Variants in MAP2K3 observed in about 807,000 individuals in gnomAD.
The protein encoded by MAP2K3 is dual specificity mitogen-activated protein kinase kinase 3.
A neutral mutation model predicts 46.4 loss-of-function variants in MAP2K3; 30 were observed. The observed-to-expected ratio is 0.65, with a 90% CI of 0.48 to 0.88. The LOEUF (loss-of-function observed/expected upper bound fraction) is 0.88, where lower values mean the gene tolerates loss of function less well. MAP2K3 is among the 40% of genes least tolerant of loss of function. The probability of loss-of-function intolerance (pLI) is 0.00; values close to 1 mark genes in which losing one functional copy is unlikely to be tolerated. For missense variants in MAP2K3, 380 were observed against 464.5 expected (o/e 0.82, Z 1.67); for synonymous variants, 189 against 176.3 (o/e 1.07, Z -0.57).
chr17:21,302,568 C>T (rs1976667650), intron 6 of MAP2K3, among the ~76,000 whole-genome samples: 1 of 152,312 alleles, frequency 6.6e-6, no homozygotes, highest in East Asian at 1.9e-4. Context: ...TTAGTATTTA[C>T]AACAGCGTCA....
Position 21,303,196 on chromosome 17 carries a change from T to C in MAP2K3, c.530T>C (p.Leu177Pro). Residue 177 changes from leucine to proline, a missense_variant, in exon 7 of 12, where the codon CTG (leucine) becomes CCG (proline). By Grantham distance (98) the Leu-to-Pro change is moderately conservative. This residue lies in a region of MAP2K3 where 294 missense variants were observed against 275.4 expected (regional missense o/e 1.07). Coordinates refer to ENST00000342679, the MANE Select transcript of MAP2K3 (RefSeq NM_145109.3). ...CCCCACCGCCAGATCGTGCGGGCCC[T>C]GGAGCATCTGCACAGCAAGCTGTCG... ...GEIAVSIVRALEHLHSKLSVI... is the reference protein window; with the variant it reads ...GEIAVSIVRAPEHLHSKLSVI... The C allele has an allele frequency of 6.2e-7, 1 of 1,613,924 alleles. No individual in the cohort carries two copies. The highest frequency in any genetic ancestry group is 8.5e-7 in the Non-Finnish European group (1 of 1,179,812).
At chr17:21,307,845 CTTTTT>C (rs35690616) in intron 9 of MAP2K3, among the ~76,000 whole-genome samples, 431 of 104,502 alleles carry the variant, frequency 4.1e-3, no homozygotes, top group Admixed American at 1.0e-2. Context: ...GCCCGGCTAT[CTTTTT>C]TTTTTTTTTT....
intron 3 of MAP2K3, among the ~76,000 whole-genome samples, chr17:21,300,028 C>G (rs1976501547): frequency 6.6e-6 from 1 of 152,312 alleles, no homozygotes; most frequent in Non-Finnish European, 1.5e-5. Context: ...ACGATACTCC[C>G]TCCAGGCTGT....
At chr17:21,312,500 C>G (rs532705551) in intron 10 of MAP2K3, among the ~76,000 whole-genome samples, 50 of 152,238 alleles carry the variant, frequency 3.3e-4, no homozygotes, top group Non-Finnish European at 5.9e-4. Context: ...GTGGACAAAT[C>G]AGATAGACTG....
chr17:21,287,555 T>G (rs530439098), intron 1 of MAP2K3, among the ~76,000 whole-genome samples: 2 of 152,300 alleles, frequency 1.3e-5, no homozygotes, highest in South Asian at 4.1e-4. Flanking sequence ...GCCATGGGCC[T>G]GGGGAGTTTT....
At chr17:21,304,083 C>T (rs779193142) in intron 7 of MAP2K3, among the ~76,000 whole-genome samples, 1 of 152,304 alleles carries the variant, frequency 6.6e-6, no homozygotes, top group Non-Finnish European at 1.5e-5. Flanking sequence ...AGCACCCACA[C>T]AAGCCAGGCT....
At chr17:21,294,951 T>A (rs1327626995) in intron 1 of MAP2K3, among the ~76,000 whole-genome samples, 1 of 152,310 alleles carries the variant, frequency 6.6e-6, no homozygotes, top group African/African-American at 2.4e-5. Flanking sequence ...ACCTGCTGAC[T>A]GGCTCTCTGA....
chr17:21,305,794 G>C (rs1671129709), intron 9 of MAP2K3, among the ~76,000 whole-genome samples: 1 of 152,306 alleles, frequency 6.6e-6, no homozygotes, highest in African/African-American at 2.4e-5. Flanking sequence ...GTGTCCCCCA[G>C]CCAGGGCTAG....
At chr17:21,293,851 G>T (rs1387546607) in intron 1 of MAP2K3, among the ~76,000 whole-genome samples, 1 of 152,312 alleles carries the variant, frequency 6.6e-6, no homozygotes, top group African/African-American at 2.4e-5. Context: ...TTAGATGGGA[G>T]AACCTTCCCC....
chr17:21,287,499 C>T (rs1452506682), intron 1 of MAP2K3, among the ~76,000 whole-genome samples: 1 of 152,208 alleles, frequency 6.6e-6, no homozygotes, highest in Non-Finnish European at 1.5e-5. Context: ...TGGAGCTTTA[C>T]CTTTGAGCTT....
At position 21,300,882 on chromosome 17, in the gene MAP2K3, G is replaced by T; in HGVS notation, c.288G>T (p.Arg96=). Residue 96 remains arginine, a synonymous_variant, in exon 5 of 12, where the codon CGG becomes CGT. Transcript: ENST00000342679. ...GCAGTCCTTCCCTGCAGCGGATCCG[G>T]GCCACCGTGAACTCACAGGAGCAGA... ...SGTIMAVKRI[R]ATVNSQEQKR... 6.2e-7 allele frequency: 1 copy of T among 1,614,164 alleles called. No homozygotes were observed.
intron 8 of MAP2K3, 100 bp downstream of exon 8, chr17:21,304,653 GA>G (rs1976794073): frequency 6.4e-7 from 1 of 1,556,444 alleles, no homozygotes; most frequent in Admixed American, 1.9e-5. Context: ...CGTAGGGGCA[GA>G]GCCTCCCCAC....
At chr17:21,306,684 T>A (rs1402882323) in intron 9 of MAP2K3, among the ~76,000 whole-genome samples, 1 of 152,210 alleles carries the variant, frequency 6.6e-6, no homozygotes, top group African/African-American at 2.4e-5. Context: ...GGTTTTGCCA[T>A]GTTGGCGAGG....
intron 9 of MAP2K3, among the ~76,000 whole-genome samples, chr17:21,306,561 A>G (rs1170210858): frequency 1.3e-5 from 2 of 152,244 alleles, no homozygotes; most frequent in East Asian, 3.8e-4. Flanking sequence ...ATCTTAGCTC[A>G]CCGTAACCTC....
chr17:21,285,057 C>A (rs1252812248), intron 1 of MAP2K3, 88 bp downstream of exon 1: 1 of 1,508,486 alleles, frequency 6.6e-7, no homozygotes, highest in Non-Finnish European at 9.0e-7. Flanking sequence ...GGTCCCACCC[C>A]ATCCTGTTCT....
chr17:21,296,900 A>AGCTGCT (rs3035372), intron 1 of MAP2K3, among the ~76,000 whole-genome samples: 3,115 of 150,032 alleles, frequency 0.021, no homozygotes, highest in Non-Finnish European at 0.034. Flanking sequence ...ATGTGGCGGC[A>AGCTGCT]GCTGCTGCTG....
intron 9 of MAP2K3, among the ~76,000 whole-genome samples, chr17:21,306,015 G>A (rs1384940306): frequency 6.6e-6 from 1 of 152,278 alleles, no homozygotes; most frequent in Non-Finnish European, 1.5e-5. Context: ...GATAGAATCA[G>A]TAAGATGTGG....
At chr17:21,286,412 G>A (rs929255917) in intron 1 of MAP2K3, among the ~76,000 whole-genome samples, 3 of 152,264 alleles carry the variant, frequency 2.0e-5, no homozygotes, top group African/African-American at 7.2e-5. Flanking sequence ...GGAGGGCATG[G>A]GCTCTTCCTG....
At chr17:21,296,951 C>T (rs925174912) in intron 1 of MAP2K3, among the ~76,000 whole-genome samples, 2 of 152,308 alleles carry the variant, frequency 1.3e-5, no homozygotes, top group Admixed American at 6.5e-5. Context: ...GCTGTTGTTT[C>T]CTGAAGCCTC....
Sources: gnomAD v4.1 joint callset for allele counts (sites outside exome capture counted in the v4.1 genomes callset) on GRCh38, gnomAD v4.1.1 for gene constraint, gnomAD v4.1.1 regional missense constraint, MANE v1.5 for transcripts, NCBI Gene and HGNC (gene_info 2026-07-23, HGNC 2026-07-21) for gene names.